MICALL1: variants seen among roughly 807,000 people sequenced by gnomAD.
MICALL1 encodes MICAL like 1.
A neutral mutation model predicts 83.7 loss-of-function variants in MICALL1; 61 were observed. That is an observed-to-expected ratio of 0.73 (90% CI 0.59 to 0.90). The LOEUF is 0.90. Among genes scored for constraint, MICALL1 ranks in the 40% least tolerant of loss-of-function variants. MICALL1 has a pLI of 0.00. For synonymous variants in MICALL1, 481 were observed against 473.6 expected (o/e 1.02, Z -0.20); for missense variants, 1,066 against 1,152.0 (o/e 0.93, Z 1.08).
At chr22:37,907,795 G>A (rs1928059101) in intron 1 of MICALL1, among the ~76,000 whole-genome samples, 1 of 152,236 alleles carries the variant, frequency 6.6e-6, no homozygotes, top group Non-Finnish European at 1.5e-5. Flanking sequence ...GGATACAGAA[G>A]GGAACAAGAT....
At chr22:37,936,416 C>G (rs1166838110) in intron 13 of MICALL1, among the ~76,000 whole-genome samples, 4 of 152,184 alleles carry the variant, frequency 2.6e-5, no homozygotes, top group African/African-American at 9.7e-5. Context: ...TCTTGCCTCC[C>G]GCCAGAAGCC....
chr22:37,925,568 C>G (rs528334959), intron 7 of MICALL1, 93 bp from the exon 8 acceptor site: 5 of 796,060 alleles, frequency 6.3e-6, no homozygotes, highest in Non-Finnish European at 1.0e-5. Flanking sequence ...TTCTCATCCA[C>G]CCCCTTTGAA....
intron 3 of MICALL1, among the ~76,000 whole-genome samples, chr22:37,915,987 G>A (rs980294999): frequency 3.3e-5 from 5 of 151,534 alleles, no homozygotes; most frequent in Non-Finnish European, 5.9e-5. Flanking sequence ...ACTGATTAGC[G>A]TTTAGCTGGA....
intron 15 of MICALL1, among the ~76,000 whole-genome samples, chr22:37,940,089 A>G (rs1200995221): frequency 1.3e-5 from 2 of 151,768 alleles, no homozygotes; most frequent in African/African-American, 4.8e-5. Flanking sequence ...TGTCTCAAAA[A>G]AAAGAAAAAG....
rs527333667 is a variant in MICALL1 at position 37,927,490 on chromosome 22, G to A, written c.1545G>A (p.Ser515=). 12 of 1,612,104 alleles carry A rather than the reference G, an allele frequency of 7.4e-6. No homozygotes were observed. Among genetic ancestry groups the A allele is most frequent in the East Asian group, 4.5e-5 (2 of 44,794 alleles). ...PSPALSVESL[S]SESASQTAGA... is the part of the protein sequence containing the mutation. ...CAGCGCTCAGCGTGGAGAGCCTGTC[G>A]TCTGAGAGCGCCAGCCAGACTGCAG... The change falls in exon 9 of 16, where the codon TCG becomes TCA. Residue 515 remains serine, a synonymous_variant. Coordinates refer to ENST00000215957, the MANE Select transcript of MICALL1 (RefSeq NM_033386.4).
chr22:37,916,813 G>T (rs569921874), intron 3 of MICALL1, among the ~76,000 whole-genome samples: 1 of 152,114 alleles, frequency 6.6e-6, no homozygotes, highest in Non-Finnish European at 1.5e-5. Context: ...GCTTCTAAGG[G>T]CCTCTCCCCA....
At position 37,937,114 on chromosome 22, in the gene MICALL1, G is replaced by C. The variant is rs1418308907; in HGVS notation, c.2343G>C (p.Glu781Asp). ...KDWTEEDRAREKVLMQELVTL... is the reference protein window; with the variant it reads ...KDWTEEDRARDKVLMQELVTL... ...GGACGGAGGAGGACCGGGCCCGGGAGAAGGTGCTGATGCAGGAGCTTGTGA... is the reference window on the plus strand; with the variant it reads ...GGACGGAGGAGGACCGGGCCCGGGACAAGGTGCTGATGCAGGAGCTTGTGA... Residue 781 changes from glutamate to aspartate, a missense_variant, in exon 14 of 16, where the codon GAG becomes GAC. By Grantham distance (45) the Glu-to-Asp change is conservative. Transcript: ENST00000215957. The C allele has an allele frequency of 6.4e-7, 1 of 1,551,680 alleles. No homozygotes were observed.
Position 37,912,671 on chromosome 22 carries a change from C to G in MICALL1, c.337+179C>G, listed in dbSNP as rs558870218. Among the ~76,000 whole-genome samples, 7 of 151,492 alleles carry G rather than the reference C, an allele frequency of 4.6e-5. No homozygotes were observed. The East Asian group carries it at 1.2e-3, about 25-fold the overall frequency. ...TTTTTTTTTTTGAGACAGAGTTTCG[C>G]TCTTTTTTTTTTTGAGATGGAGTCT... is the stretch of plus-strand genomic sequence containing the variant. On this transcript the variant is annotated intron_variant, in intron 3 of 15. Coordinates refer to ENST00000215957, the MANE Select transcript of MICALL1 (RefSeq NM_033386.4).
chr22:37,913,670 G>A (rs1928482091), intron 3 of MICALL1, among the ~76,000 whole-genome samples: 1 of 152,146 alleles, frequency 6.6e-6, no homozygotes, highest in Non-Finnish European at 1.5e-5. Flanking sequence ...AGGTAGCTGG[G>A]CCTCCCCTTC....
chr22:37,924,742 C>G lies in MICALL1; in HGVS notation c.1082+25C>G, dbSNP rs763777770. On this transcript the variant is annotated intron_variant, in intron 7 of 15. Transcript: ENST00000215957. This position sits in a 1 kb window ranked among gnomAD's most constrained non-coding sequence, Gnocchi z 5.2. ...GGTATGTCGATCCCTGAGGGGCTTT[C>G]CTGCTTTGGAGGTCCTGGTGGTGGG... is the stretch of plus-strand genomic sequence containing the variant. The G allele has an allele frequency of 6.2e-7, 1 of 1,608,964 alleles. No homozygotes were observed. Among genetic ancestry groups the G allele is most frequent in the Non-Finnish European group, 8.5e-7 (1 of 1,177,328 alleles).
At chr22:37,931,083 C>T (rs910402106) in intron 9 of MICALL1, among the ~76,000 whole-genome samples, 2 of 152,226 alleles carry the variant, frequency 1.3e-5, no homozygotes, top group Non-Finnish European at 2.9e-5. Context: ...AACCACTACC[C>T]CTCAATGCTA....
At chr22:37,907,644 G>A (rs1219603599) in intron 1 of MICALL1, among the ~76,000 whole-genome samples, 3 of 152,214 alleles carry the variant, frequency 2.0e-5, no homozygotes, top group Non-Finnish European at 4.4e-5. Context: ...TGCACTGTCC[G>A]AGGGCAGCAT....
intron 3 of MICALL1, among the ~76,000 whole-genome samples, chr22:37,914,897 C>T (rs1928579985): frequency 6.6e-6 from 1 of 151,192 alleles, no homozygotes; most frequent in Admixed American, 6.6e-5. Context: ...CCTTCTCGGC[C>T]TCCCAAAGTG....
chr22:37,918,293 G>A (rs1928804571), intron 4 of MICALL1, among the ~76,000 whole-genome samples: 1 of 152,226 alleles, frequency 6.6e-6, no homozygotes, highest in Non-Finnish European at 1.5e-5. Flanking sequence ...ATTTGTCCAA[G>A]GTTACTTAGT....
At chr22:37,922,799 T>TTTTC (rs1929170079) in intron 6 of MICALL1, among the ~76,000 whole-genome samples, 1 of 136,798 alleles carries the variant, frequency 7.3e-6, no homozygotes, top group African/African-American at 2.8e-5. Context: ...TTTTTTTGTT[T>TTTTC]TTTTTTTTTT....
chr22:37,922,807 T>TG (rs1196641911), intron 6 of MICALL1, among the ~76,000 whole-genome samples: 1 of 140,992 alleles, frequency 7.1e-6, no homozygotes, highest in African/African-American at 2.6e-5. Flanking sequence ...TTTTTTTTTT[T>TG]TTTTTTTTTT....
intron 1 of MICALL1, 88 bp from the exon 2 acceptor site, chr22:37,911,864 C>A: frequency 7.6e-7 from 1 of 1,315,242 alleles, no homozygotes; most frequent in Non-Finnish European, 1.1e-6. Flanking sequence ...AAGGTCTTCT[C>A]TGTTCAGCTC....
Position 37,942,088 on chromosome 22 carries a change from C to T in MICALL1, c.*1258C>T, listed in dbSNP as rs1930466314. On this transcript the variant is annotated 3_prime_UTR_variant, in exon 16 of 16. Transcript: ENST00000215957. ...TCTGCCACACCTGGTGGCTGAACAT[C>T]TCTGGTCGCCCAGAGGCCATGTTGG... 1 of 152,330 alleles carries T rather than the reference C, an allele frequency of 6.6e-6. No individual in the cohort carries two copies. The highest frequency in any genetic ancestry group is 2.1e-4 in the South Asian group (1 of 4,838). 9.4% of individuals were successfully genotyped at this position (152,330 alleles called of 1,614,324 possible). A position where few individuals can be genotyped will look rare whatever the true frequency, so the allele number is the denominator to read the frequency against.
intron 13 of MICALL1, among the ~76,000 whole-genome samples, chr22:37,933,437 A>G (rs1189310447): frequency 6.6e-6 from 1 of 152,196 alleles, no homozygotes; most frequent in Non-Finnish European, 1.5e-5. Context: ...TGCGTGGGTC[A>G]GACTGTTCCT....
Sources: gnomAD v4.1 joint callset for allele counts (sites outside exome capture counted in the v4.1 genomes callset) on GRCh38, gnomAD v4.1.1 for gene constraint, Gnocchi (gnomAD v3.1) non-coding constraint, MANE v1.5 for transcripts, NCBI Gene and HGNC (gene_info 2026-07-23, HGNC 2026-07-21) for gene names.